NUDT19: variants seen among roughly 807,000 people sequenced by gnomAD.
NUDT19 encodes the protein nudix hydrolase 19.
Under a neutral mutation model 22.2 loss-of-function variants are expected in NUDT19, and 31 were observed. The ratio of observed to expected loss-of-function variants is 1.40; its 90% CI spans 1.05 to 1.89. The LOEUF is 1.89. Ranked by LOEUF, NUDT19 falls within the 40% of genes most tolerant of loss-of-function variation. The pLI, the probability that NUDT19 is intolerant of heterozygous loss-of-function variation, is 0.00. For missense variants in NUDT19, 752 were observed against 514.2 expected (o/e 1.46, Z -4.47); for synonymous variants, 325 against 230.8 (o/e 1.41, Z -3.70).
chr19:32,703,223 ACTCCCAAC>A (rs1406525621), intron 1 of NUDT19, among the ~76,000 whole-genome samples: 4 of 151,382 alleles, frequency 2.6e-5, no homozygotes, highest in African/African-American at 9.7e-5. Context: ...CTGCTGTCGA[ACTCCCAAC>A]CTCAGGTAAT....
chr19:32,692,036 C>T lies in NUDT19; in HGVS notation c.76C>T (p.Arg26Cys), dbSNP rs1035741502. ...CATCGTCCTGGCGGCTGGCTGGTCG[C>T]GCCCGGAGACCGCCACCCCGCCGTC... is the stretch of plus-strand genomic sequence containing the variant. ...ASIVLAAGWS[R>C]PETATPPSRP... The change falls in exon 1 of 3, where the codon CGC becomes TGC. Residue 26 changes from arginine to cysteine, a missense_variant. Physicochemically the swap from Arg to Cys is radical, Grantham distance 180. Transcript: ENST00000397061. 3.3e-5 allele frequency: 42 copies of T among 1,272,716 alleles called. No homozygotes were observed. The Admixed American group carries it at 5.9e-4, about 18-fold the overall frequency. 78.8% of individuals were successfully genotyped at this position (1,272,716 alleles called of 1,614,324 possible). A position where few individuals can be genotyped will look rare whatever the true frequency, so the allele number is the denominator to read the frequency against.
chr19:32,697,655 A>G (rs554570336), intron 1 of NUDT19, among the ~76,000 whole-genome samples: 6 of 152,296 alleles, frequency 3.9e-5, no homozygotes, highest in African/African-American at 1.4e-4. Flanking sequence ...TTCAACTGTC[A>G]TTCTATCATT....
Position 32,697,125 on chromosome 19 carries a change from C to T in NUDT19, c.714+4451C>T, listed in dbSNP as rs139757044. 1.8e-4 allele frequency among the ~76,000 whole-genome samples: 28 copies of T among 152,282 alleles called. 1 individual carries two copies. In the East Asian group the frequency reaches 5.2e-3, roughly 28 times the overall value. On this transcript the variant is annotated intron_variant, in intron 1 of 2. Transcript: ENST00000397061. ...GCCCTACCAGGTGATTGGCCTGCTCCATTCTCTGTCCCCTCTGAACCACCA... is the reference window on the plus strand; with the variant it reads ...GCCCTACCAGGTGATTGGCCTGCTCTATTCTCTGTCCCCTCTGAACCACCA...
intron 1 of NUDT19, among the ~76,000 whole-genome samples, chr19:32,693,662 G>A (rs971402270): frequency 1.3e-5 from 2 of 152,166 alleles, no homozygotes; most frequent in African/African-American, 4.8e-5. Context: ...CAAATCTTTA[G>A]CTAGACAGAG....
intron 1 of NUDT19, among the ~76,000 whole-genome samples, chr19:32,695,516 T>C (rs567596700): frequency 4.1e-4 from 62 of 152,318 alleles, no homozygotes; most frequent in Non-Finnish European, 1.5e-5. Context: ...CACTGTTTTT[T>C]CTTTACTACT....
rs77321774 is a variant in NUDT19, at chr19:32,708,557, C to T, written c.715-628C>T. Among the ~76,000 whole-genome samples, 1,338 of 152,228 alleles carry T rather than the reference C, an allele frequency of 8.8e-3. 43 individuals are homozygous for T. In the East Asian group the frequency reaches 0.1, roughly 12 times the overall value. On this transcript the variant is annotated intron_variant, in intron 1 of 2. Transcript: ENST00000397061. ...GTAGAATGAAGCCACTGAAGTTTTC[C>T]GGGCAAATACTGCCTGGCTGAAACC...
intron 1 of NUDT19, among the ~76,000 whole-genome samples, chr19:32,705,080 T>A (rs551818532): frequency 1.7e-5 from 2 of 118,218 alleles, no homozygotes; most frequent in Non-Finnish European, 3.3e-5. Flanking sequence ...CACTCCAGCC[T>A]GGGGGACAAG....
chr19:32,703,566 C>G (rs1968356919), intron 1 of NUDT19, among the ~76,000 whole-genome samples: 1 of 145,112 alleles, frequency 6.9e-6, no homozygotes, highest in Non-Finnish European at 1.5e-5. Context: ...TCAGGCTGGT[C>G]TTGAACTCCT....
chr19:32,692,911 C>T (rs1437836295), intron 1 of NUDT19, among the ~76,000 whole-genome samples: 1 of 152,258 alleles, frequency 6.6e-6, no homozygotes, highest in African/African-American at 2.4e-5. Context: ...TGTCTCTCCA[C>T]GTGGTTCCTC....
intron 1 of NUDT19, among the ~76,000 whole-genome samples, chr19:32,707,501 GA>G (rs2145366771): frequency 6.6e-6 from 1 of 152,278 alleles, no homozygotes; most frequent in African/African-American, 2.4e-5. Flanking sequence ...TTGGGGGCGA[GA>G]ATCAGTTTCT....
intron 1 of NUDT19, among the ~76,000 whole-genome samples, chr19:32,703,514 C>T (rs1380506399): frequency 1.3e-5 from 2 of 150,186 alleles, no homozygotes; most frequent in African/African-American, 4.9e-5. Context: ...CATGGCCAGC[C>T]AATTTTGTAT....
intron 2 of NUDT19, 143 bp from the exon 3 acceptor site, chr19:32,711,609 G>A (rs1010826108): frequency 1.6e-6 from 1 of 611,184 alleles, no homozygotes; most frequent in Non-Finnish European, 2.9e-6. Flanking sequence ...ATATGAAATA[G>A]ATAAAAATAC....
At chr19:32,694,663 C>T (rs1968242924) in intron 1 of NUDT19, among the ~76,000 whole-genome samples, 1 of 152,166 alleles carries the variant, frequency 6.6e-6, no homozygotes, top group Non-Finnish European at 1.5e-5. Context: ...ATATGTGTTA[C>T]ACTGTTAACT....
intron 1 of NUDT19, among the ~76,000 whole-genome samples, chr19:32,693,800 G>A (rs1394846231): frequency 4.6e-5 from 7 of 152,196 alleles, no homozygotes; most frequent in Admixed American, 4.6e-4. Flanking sequence ...TAGCTAGACA[G>A]AAAAGTTCTC....
chr19:32,702,640 G>A (rs1405822156), intron 1 of NUDT19, among the ~76,000 whole-genome samples: 1 of 152,152 alleles, frequency 6.6e-6, no homozygotes, highest in Admixed American at 6.5e-5. Flanking sequence ...TTTCTTGCAG[G>A]CAGCATATAG....
At chr19:32,692,760 C>A in intron 1 of NUDT19, 86 bp downstream of exon 1, 1 of 1,013,210 alleles carries the variant, frequency 9.9e-7, no homozygotes, top group Non-Finnish European at 1.4e-6. Context: ...CAAGGGACCC[C>A]CGCATAGGCC....
intron 1 of NUDT19, among the ~76,000 whole-genome samples, chr19:32,704,029 C>G (rs1968362457): frequency 6.6e-6 from 1 of 152,082 alleles, no homozygotes; most frequent in Non-Finnish European, 1.5e-5. Flanking sequence ...TGGTATCCTT[C>G]TGCCTAAAGA....
Position 32,712,825 on chromosome 19 carries a change from G to A in NUDT19, c.*868G>A, listed in dbSNP as rs1343777555. 2 of 152,116 alleles carry A rather than the reference G, an allele frequency of 1.3e-5. No homozygotes were observed. The highest frequency in any genetic ancestry group is 2.9e-5 in the Non-Finnish European group (2 of 68,030). 9.4% of individuals were successfully genotyped at this position (152,116 alleles called of 1,614,324 possible). A position where few individuals can be genotyped will look rare whatever the true frequency, so the allele number is the denominator to read the frequency against. On this transcript the variant is annotated 3_prime_UTR_variant, in exon 3 of 3. Coordinates refer to ENST00000397061, the MANE Select transcript of NUDT19 (RefSeq NM_001105570.2). ...CCAAAACCAGAACATAATTTCACAA[G>A]GGTTCCTACTTCTGTATTGTTTTAT...
intron 1 of NUDT19, among the ~76,000 whole-genome samples, chr19:32,696,789 T>C (rs1568432164): frequency 6.6e-6 from 1 of 151,936 alleles, no homozygotes; most frequent in Non-Finnish European, 1.5e-5. Context: ...TGAGGACAGC[T>C]CCAAGACAGG....
Sources: allele counts gnomAD v4.1 joint callset (sites outside exome capture counted in the v4.1 genomes callset), GRCh38; gene constraint gnomAD v4.1.1; transcripts MANE v1.5; gene names NCBI Gene and HGNC (gene_info 2026-07-23, HGNC 2026-07-21).